Variants in MED12 observed in about 807,000 individuals in gnomAD.
MED12 encodes the protein mediator of RNA polymerase II transcription subunit 12.
A neutral mutation model predicts 177.7 loss-of-function variants in MED12; 10 were observed. That is an observed-to-expected ratio of 0.06 (90% confidence interval 0.03 to 0.10). The LOEUF is 0.10. Among genes scored for constraint, MED12 ranks in the 10% least tolerant of loss-of-function variants. The probability of loss-of-function intolerance (pLI) is 1.00; values close to 1 mark genes in which losing one functional copy is unlikely to be tolerated. For synonymous variants in MED12, 641 were observed against 678.4 expected, an observed-to-expected ratio of 0.94 and a Z score of 0.86; for missense variants, 867 against 1,780.8, an observed-to-expected ratio of 0.49 and a Z score of 9.23.
At position 71,125,907 on chromosome X, in the gene MED12, TTCCC is replaced by T. The variant is rs1399655565; in HGVS notation, c.2423-117_2423-114del. ...CCTTCCCTGTTTCCCTCTTCCTTCC[TTCCC>T]TCCCTCCCTCCTTCCATCTCTCCCT... On this transcript the variant is annotated intron_variant, in intron 17 of 44. Transcript: ENST00000374080. 2.5e-4 allele frequency: 127 copies of T among 505,269 alleles called. 1 individual carries two copies. The highest frequency in any genetic ancestry group is 2.4e-3 in the African/African-American group (95 of 38,974). 41.6% of individuals were successfully genotyped at this position (505,269 alleles called of 1,213,427 possible). A position where few individuals can be genotyped will look rare whatever the true frequency, so the allele number is the denominator to read the frequency against.
intron 24 of MED12, 188 bp downstream of exon 24, chrX:71,128,906 G>A (rs1474444495): frequency 1.7e-6 from 1 of 593,866 alleles, no homozygotes; most frequent in African/African-American, 2.3e-5. Flanking sequence ...TTGCAGCCCT[G>A]ACCTTTCCAA....
intron 28 of MED12, 114 bp downstream of exon 28, chrX:71,130,328 G>T: frequency 1.3e-6 from 1 of 797,889 alleles, no homozygotes; most frequent in Non-Finnish European, 1.8e-6. Context: ...GACAAACAAG[G>T]ATATAGGGGA....
rs2147800904 is a variant in MED12, at chrX:71,128,000, C to T, written c.3089C>T (p.Ala1030Val). Residue 1030 changes from alanine (A) to valine (V), a missense_variant, in exon 22 of 45, where the codon GCA (alanine) becomes GTA (valine). Physicochemically the swap from Ala to Val is moderately conservative, Grantham distance 64 (BLOSUM62 0). Coordinates refer to ENST00000374080, the MANE Select transcript of MED12 (RefSeq NM_005120.3). ...EFMIDTLENP[A>V]AHTFTYTGLG... ...ATGATCGACACTCTAGAGAACCCTG[C>T]AGCTCACACCTTCACCTACACGGGG... 1 of 1,210,761 alleles carries T rather than the reference C, an allele frequency of 8.3e-7. No individual in the cohort carries two copies. The highest frequency in any genetic ancestry group is 1.1e-6 in the Non-Finnish European group (1 of 894,651).
At chrX:71,120,410 T>G (rs1313749820) in intron 4 of MED12, among the ~76,000 whole-genome samples, 1 of 110,100 alleles carries the variant, frequency 9.1e-6, no homozygotes, top group Non-Finnish European at 1.9e-5. Flanking sequence ...TGCTAAGGTA[T>G]ATGTACAAAT....
intron 6 of MED12, 46 bp from the exon 7 acceptor site, chrX:71,121,516 G>T (rs776381572): frequency 1.2e-5 from 14 of 1,208,728 alleles, no homozygotes; most frequent in Non-Finnish European, 1.6e-5. Context: ...GTTAGAGCAG[G>T]GTCCCCTGGA....
At chrX:71,137,668 G>A (rs777514919) in intron 40 of MED12, 33 bp downstream of exon 40, 2 of 1,199,622 alleles carry the variant, frequency 1.7e-6, no homozygotes, top group East Asian at 5.9e-5. Flanking sequence ...CTAGGGGGAT[G>A]AGGCAAGCTG....
chrX:71,137,792 C>T lies in MED12; in HGVS notation c.5893C>T (p.Pro1965Ser), dbSNP rs2092336419. ...CACAGGCCCTGCAGGTACCATGGTG[C>T]CCCCCAGCTACTCCAGCCAGCCTTA... Reference protein sequence around the residue: ...QHTGPAGTMVPPSYSSQPYQS... With the variant: ...QHTGPAGTMVSPSYSSQPYQS... The change falls in exon 41 of 45, where the codon CCC becomes TCC. Residue 1965 changes from proline to serine, a missense_variant. Around this residue, in one of 14 missense-constraint regions of MED12, gnomAD observed 236 missense variants for 345.2 expected, o/e 0.68. Coordinates refer to ENST00000374080, the MANE Select transcript of MED12 (RefSeq NM_005120.3). 8 of 1,208,839 alleles carry T rather than the reference C, an allele frequency of 6.6e-6. No homozygotes were observed. The highest frequency in any genetic ancestry group is 1.8e-5 in the African/African-American group (1 of 56,837).
chrX:71,139,458 G>T (rs183402575), intron 41 of MED12, among the ~76,000 whole-genome samples: 1 of 111,088 alleles, frequency 9.0e-6, no homozygotes, highest in East Asian at 2.8e-4. Context: ...GAGGGGGCAG[G>T]CTGAGAGATG....
chrX:71,142,117 G>A lies in MED12; in HGVS notation c.6491-58G>A, dbSNP rs36072155. Reference sequence around the variant, plus strand: ...CCTCGATACCTGAACAGCTTTCCTCGTGCATACCCACACCCCTGCCTGGTC... The same window carrying A: ...CCTCGATACCTGAACAGCTTTCCTCATGCATACCCACACCCCTGCCTGGTC... On this transcript the variant is annotated intron_variant, in intron 44 of 44. Transcript: ENST00000374080. 330,471 of 1,155,017 alleles carry A rather than the reference G, an allele frequency of 0.29. 35,728 individuals carry two copies. Among genetic ancestry groups the A allele is most frequent in the Middle Eastern group, 0.4 (1,707 of 4,219 alleles).
rs1556340048 is a variant in MED12, at chrX:71,141,235, G to A, written c.6273G>A (p.Gln2091=). Residue 2091 remains glutamine (Q), a synonymous_variant, in exon 43 of 45, where the codon CAG becomes CAA. Transcript: ENST00000374080. ...QQQQQQILRQ[Q]QQQQQQQQQQ... Reference sequence around the variant, plus strand: ...TATCTTTTGTGTTCTTATAGCAGCAGCAGCAACAGCAACAGCAGCAGCAGC... The same window carrying A: ...TATCTTTTGTGTTCTTATAGCAGCAACAGCAACAGCAACAGCAGCAGCAGC... The A allele has an allele frequency of 8.6e-7, 1 of 1,164,632 alleles. No homozygotes were observed. The highest frequency in any genetic ancestry group is 1.8e-5 in the African/African-American group (1 of 55,393).
intron 36 of MED12, 137 bp from the exon 37 acceptor site, chrX:71,136,144 A>G: frequency 1.4e-6 from 1 of 727,892 alleles, no homozygotes. Context: ...GTATATGTGT[A>G]TCCATGTCTG....
At chrX:71,141,131 C>A in intron 42 of MED12, 99 bp from the exon 43 acceptor site, 2 of 1,158,158 alleles carry the variant, frequency 1.7e-6, no homozygotes, top group Non-Finnish European at 2.3e-6. Context: ...AGACCCCGAG[C>A]TCCCACCCTG....
rs2092297430 is a variant in MED12 at position 71,124,391 on chromosome X, G to C, written c.1974+3G>C. 1 of 1,177,472 alleles carries C rather than the reference G, an allele frequency of 8.5e-7. No homozygotes were observed. The highest frequency in any genetic ancestry group is 1.2e-6 in the Non-Finnish European group (1 of 869,559). On this transcript the variant is annotated splice_donor_region_variant and intron_variant, in intron 13 of 44. Transcript: ENST00000374080. ...GCAGCAGCAGCAGCAAGCTGGAAGT[G>C]AGTGGGCTTTTCCTTGCACTAGATC...
intron 38 of MED12, 32 bp from the exon 39 acceptor site, chrX:71,137,155 G>A (rs1602304843): frequency 8.3e-7 from 1 of 1,203,369 alleles, no homozygotes; most frequent in East Asian, 3.0e-5. Context: ...GAGGGATGAG[G>A]AGCCTAGAGG....
Position 71,121,321 on chromosome X carries a change from C to A in MED12, c.736-6C>A. The A allele has an allele frequency of 8.3e-7, 1 of 1,209,514 alleles. No homozygotes were observed. The highest frequency in any genetic ancestry group is 1.1e-6 in the Non-Finnish European group (1 of 893,464). ...AGTCCCCTCTTCCCTCCCCTGGTAC[C>A]CATAGGATGGAATGCTGGACAGACA... On this transcript the variant is annotated splice_polypyrimidine_tract_variant and splice_region_variant and intron_variant, in intron 5 of 44. Coordinates refer to ENST00000374080, the MANE Select transcript of MED12 (RefSeq NM_005120.3).
intron 41 of MED12, 146 bp from the exon 42 acceptor site, chrX:71,140,489 C>G: frequency 9.8e-7 from 1 of 1,016,581 alleles, no homozygotes; most frequent in Non-Finnish European, 1.3e-6. Flanking sequence ...GCAACTTATT[C>G]CCCAGACTGG....
intron 41 of MED12, among the ~76,000 whole-genome samples, chrX:71,138,178 T>C (rs2092337351): frequency 9.0e-6 from 1 of 111,122 alleles, no homozygotes; most frequent in African/African-American, 3.3e-5. Flanking sequence ...GAGGGGAAAT[T>C]GTTTATCTGA....
chrX:71,132,056 C>G lies in MED12; in HGVS notation c.4120-17C>G. The G allele has an allele frequency of 8.3e-7, 1 of 1,206,472 alleles. No homozygotes were observed. Among genetic ancestry groups the G allele is most frequent in the Non-Finnish European group, 1.1e-6 (1 of 890,826 alleles). On this transcript the variant is annotated splice_polypyrimidine_tract_variant and intron_variant, in intron 29 of 44. Coordinates refer to ENST00000374080, the MANE Select transcript of MED12 (RefSeq NM_005120.3). ...AGCTACCTATTTTAGCACTTCTGTG[C>G]CTTTCATCCTCCCCAGGAGATGAAC...
intron 19 of MED12, 101 bp downstream of exon 19, chrX:71,126,585 A>C: frequency 1.0e-6 from 1 of 981,730 alleles, no homozygotes; most frequent in Non-Finnish European, 1.4e-6. Context: ...CCAGTTTCCC[A>C]AGCTATTTGA....
Sources: allele counts gnomAD v4.1 joint callset (sites outside exome capture counted in the v4.1 genomes callset), GRCh38; gene constraint gnomAD v4.1.1; regional missense constraint gnomAD v4.1.1; transcripts MANE v1.5; gene names NCBI Gene and HGNC (gene_info 2026-07-23, HGNC 2026-07-21).